CACNA1B: variants seen among roughly 807,000 people sequenced by gnomAD.
CACNA1B encodes the protein voltage-dependent N-type calcium channel subunit alpha-1B.
In CACNA1B, 70 loss-of-function variants were observed where a neutral mutation model predicts 247.2. The ratio of observed to expected loss-of-function variants is 0.28; its 90% CI spans 0.23 to 0.35. The LOEUF is 0.35. CACNA1B is among the 10% of genes least tolerant of loss of function. The pLI is 1.00. For synonymous variants in CACNA1B, 1,231 were observed against 1,294.4 expected (o/e 0.95, Z 1.05); for missense variants, 2,367 against 3,197.4 (o/e 0.74, Z 6.26).
chr9:137,976,003 A>G lies in CACNA1B; in HGVS notation c.1640A>G (p.Asn547Ser), dbSNP rs1429495457. The change falls in exon 12 of 47, where the codon AAC becomes AGC. Residue 547 changes from asparagine (N) to serine (S), a missense_variant. Physicochemically the swap from Asn to Ser is conservative, Grantham distance 46. This residue lies in a region of CACNA1B where 219 missense variants were observed against 297.6 expected (regional missense o/e 0.74). Coordinates refer to ENST00000371372, the MANE Select transcript of CACNA1B (RefSeq NM_000718.4). ...GPRSYFRSSF[N>S]CFDFGVIVGS... Reference sequence around the variant, plus strand: ...AGAAGCTACTTCCGGTCCTCCTTCAACTGCTTCGACTTTGGGGTGAGTGAG... The same window carrying G: ...AGAAGCTACTTCCGGTCCTCCTTCAGCTGCTTCGACTTTGGGGTGAGTGAG... 3 of 1,607,996 alleles carry G rather than the reference A, an allele frequency of 1.9e-6. No homozygotes were observed. The highest frequency in any genetic ancestry group is 2.7e-5 in the African/African-American group (2 of 74,824).
intron 6 of CACNA1B, among the ~76,000 whole-genome samples, chr9:137,922,666 G>T (rs2133292112): frequency 6.6e-6 from 1 of 152,326 alleles, no homozygotes; most frequent in East Asian, 1.9e-4. Flanking sequence ...GGAGACAGGG[G>T]TTAAGGGAAT....
chr9:137,910,374 AG>A (rs1457439168), intron 3 of CACNA1B, among the ~76,000 whole-genome samples: 2 of 152,190 alleles, frequency 1.3e-5, no homozygotes, highest in Admixed American at 1.3e-4. Context: ...CTGGTGCAGC[AG>A]CCCCCAACCT....
intron 36 of CACNA1B, among the ~76,000 whole-genome samples, chr9:138,084,202 C>T (rs904790147): frequency 2.0e-5 from 3 of 151,114 alleles, no homozygotes; most frequent in Non-Finnish European, 4.4e-5. Flanking sequence ...ACCCCAACAC[C>T]CAGGTGCCAC....
chr9:138,115,849 G>C (rs1212196027), intron 42 of CACNA1B, among the ~76,000 whole-genome samples, 170 bp downstream of exon 42: 1 of 152,160 alleles, frequency 6.6e-6, no homozygotes, highest in Non-Finnish European at 1.5e-5. Context: ...CCCTGCACTT[G>C]GGCCCTTAGC....
chr9:137,994,891 C>G (rs2133393596), intron 15 of CACNA1B, among the ~76,000 whole-genome samples: 1 of 152,270 alleles, frequency 6.6e-6, no homozygotes, highest in African/African-American at 2.4e-5. Context: ...CAACAAAGAG[C>G]CTGCATAGCC....
intron 6 of CACNA1B, among the ~76,000 whole-genome samples, chr9:137,945,005 G>T (rs1957778849): frequency 6.6e-6 from 1 of 152,146 alleles, no homozygotes; most frequent in Non-Finnish European, 1.5e-5. Flanking sequence ...GACTTTTGCA[G>T]ATTGTTGGGT....
chr9:137,949,257 GTGCGTGT>G, intron 6 of CACNA1B, among the ~76,000 whole-genome samples: 1 of 2,120 alleles, frequency 4.7e-4, no homozygotes, highest in South Asian at 9.8e-3. Context: ...GTGGTGTGTG[GTGCGTGT>G]GTGTGTCTGG....
rs1269942389 is a variant in CACNA1B, at chr9:137,952,795, G to C, written c.1070+418G>C. 6.6e-6 allele frequency among the ~76,000 whole-genome samples: 1 copy of C among 152,022 alleles called. No homozygotes were observed. Among genetic ancestry groups the C allele is most frequent in the South Asian group, 2.1e-4 (1 of 4,816 alleles). ...TGGGAGGTGTGGTCTGTGATGGGAA[G>C]TGTGGTCTTGGTAGATGGAGGTGTG... On this transcript the variant is annotated intron_variant, in intron 7 of 46. Coordinates refer to ENST00000371372, the MANE Select transcript of CACNA1B (RefSeq NM_000718.4). The surrounding 1 kb of genome is among the most constrained non-coding windows in gnomAD (Gnocchi z 4.8).
chr9:137,947,406 G>C (rs2133328423), intron 6 of CACNA1B, among the ~76,000 whole-genome samples: 1 of 152,180 alleles, frequency 6.6e-6, no homozygotes, highest in East Asian at 1.9e-4. Context: ...ATCGGCCTTA[G>C]GGTCCCTGCC....
Position 137,899,704 on chromosome 9 carries a change from C to T in CACNA1B, c.531-13476C>T, listed in dbSNP as rs1265616278. Among the ~76,000 whole-genome samples, 2 of 152,294 alleles carry T rather than the reference C, an allele frequency of 1.3e-5. No individual in the cohort carries two copies. Among genetic ancestry groups the T allele is most frequent in the South Asian group, 4.1e-4 (2 of 4,822 alleles). ...GGGTGAGAACCAGTGCCTGGAAGGT[C>T]AGTGACAAAGCAGATCCTGGAGATG... On this transcript the variant is annotated intron_variant, in intron 3 of 46. Coordinates refer to ENST00000371372, the MANE Select transcript of CACNA1B (RefSeq NM_000718.4). The surrounding 1 kb of genome is among the most constrained non-coding windows in gnomAD (Gnocchi z 5.0).
chr9:138,085,605 A>G (rs1960669037), intron 36 of CACNA1B, among the ~76,000 whole-genome samples: 1 of 151,298 alleles, frequency 6.6e-6, no homozygotes, highest in Non-Finnish European at 1.5e-5. Context: ...CAAAAGTCAA[A>G]GAGAAGAGAA....
chr9:137,932,684 G>C (rs566253041), intron 6 of CACNA1B, among the ~76,000 whole-genome samples: 1 of 152,138 alleles, frequency 6.6e-6, no homozygotes, highest in Non-Finnish European at 1.5e-5. Context: ...GCAACTAGAC[G>C]TCTCAGGATT....
chr9:138,075,919 T>C lies in CACNA1B; in HGVS notation c.4949+9T>C, dbSNP rs1180494596. 6.3e-7 allele frequency: 1 copy of C among 1,590,924 alleles called. No individual in the cohort carries two copies. Among genetic ancestry groups the C allele is most frequent in the Non-Finnish European group, 8.6e-7 (1 of 1,162,038 alleles). ...CTGATGCTGCTGTTCAGGTGTGTTGTTCGGTCAGCCCAGGCCAATGTCTGC... is the reference window on the plus strand; with the variant it reads ...CTGATGCTGCTGTTCAGGTGTGTTGCTCGGTCAGCCCAGGCCAATGTCTGC... On this transcript the variant is annotated intron_variant, in intron 35 of 46. Coordinates refer to ENST00000371372, the MANE Select transcript of CACNA1B (RefSeq NM_000718.4).
chr9:137,907,167 C>A (rs1396278841), intron 3 of CACNA1B, among the ~76,000 whole-genome samples: 1 of 152,198 alleles, frequency 6.6e-6, no homozygotes, highest in South Asian at 2.1e-4. Flanking sequence ...TTTCACAGCT[C>A]TCCTCTACCC....
At chr9:137,979,619 C>T (rs960336334) in intron 12 of CACNA1B, among the ~76,000 whole-genome samples, 3 of 152,168 alleles carry the variant, frequency 2.0e-5, no homozygotes, top group African/African-American at 7.2e-5. Flanking sequence ...TTGCCACAGC[C>T]TGCCCTCTGG....
At chr9:138,062,203 C>T (rs1173880141) in intron 31 of CACNA1B, among the ~76,000 whole-genome samples, 1 of 152,060 alleles carries the variant, frequency 6.6e-6, no homozygotes, top group Non-Finnish European at 1.5e-5. Context: ...AACTTGTTTT[C>T]CCCCCCACAC....
At chr9:137,906,731 T>A (rs1419222677) in intron 3 of CACNA1B, among the ~76,000 whole-genome samples, 1 of 152,228 alleles carries the variant, frequency 6.6e-6, no homozygotes, top group Non-Finnish European at 1.5e-5. Context: ...GATGCATTAT[T>A]TAACATACAT....
chr9:137,914,673 GTCCAT>G lies in CACNA1B; in HGVS notation c.643_647del (p.Ser215HisfsTer49). On this transcript the variant is annotated frameshift_variant, in exon 5 of 47. Coordinates refer to ENST00000371372, the MANE Select transcript of CACNA1B (RefSeq NM_000718.4). LOFTEE classifies it high-confidence loss of function. The surrounding 1 kb of genome is among the most constrained non-coding windows in gnomAD (Gnocchi z 4.3). ...CCCCAGGTTTGCAGGTGGTGCTCAA[GTCCAT>G]CATGAAGGCCATGGTTCCACTCCTG... 1 of 1,613,974 alleles carries G rather than the reference GTCCAT, an allele frequency of 6.2e-7. No homozygotes were observed. Among genetic ancestry groups the G allele is most frequent in the Non-Finnish European group, 8.5e-7 (1 of 1,179,866 alleles).
At chr9:137,949,070 G>GCCTT (rs1957836399) in intron 6 of CACNA1B, among the ~76,000 whole-genome samples, 2 of 81,940 alleles carry the variant, frequency 2.4e-5, no homozygotes, top group East Asian at 3.6e-4. Flanking sequence ...TATGTGTGTA[G>GCCTT]TGTGTGTGGT....
Sources: gnomAD v4.1 joint callset for allele counts (sites outside exome capture counted in the v4.1 genomes callset) on GRCh38, gnomAD v4.1.1 for gene constraint, gnomAD v4.1.1 regional missense constraint, Gnocchi (gnomAD v3.1) non-coding constraint, MANE v1.5 for transcripts, NCBI Gene and HGNC (gene_info 2026-07-23, HGNC 2026-07-21) for gene names.